Variants in SPATA13 observed in about 807,000 individuals in gnomAD.
SPATA13 encodes the protein spermatogenesis-associated protein 13.
A neutral mutation model predicts 104.0 loss-of-function variants in SPATA13; 50 were observed. That is an observed-to-expected ratio of 0.48 (90% CI 0.38 to 0.61). SPATA13 has a LOEUF of 0.61. SPATA13 is among the 20% of genes least tolerant of loss of function. The pLI is 0.00. For missense variants in SPATA13, 1,524 were observed against 1,690.6 expected, an observed-to-expected ratio of 0.90 and a Z score of 1.73; for synonymous variants, 606 against 667.5, an observed-to-expected ratio of 0.91 and a Z score of 1.42.
chr13:24,188,590 A>C (rs968984333), intron 1 of SPATA13, among the ~76,000 whole-genome samples: 2 of 152,216 alleles, frequency 1.3e-5, no homozygotes, highest in Non-Finnish European at 2.9e-5. Flanking sequence ...GGTTTAAGGA[A>C]AGAAGCCATC....
At chr13:24,117,924 A>G (rs1466248277) in intron 3 of SPATA13, among the ~76,000 whole-genome samples, 3 of 152,224 alleles carry the variant, frequency 2.0e-5, no homozygotes, top group Non-Finnish European at 4.4e-5. Flanking sequence ...ACCACACATC[A>G]TCAAACTCAC....
chr13:24,300,481 T>G lies in SPATA13; in HGVS notation c.3658+6T>G. 1 of 1,613,500 alleles carries G rather than the reference T, an allele frequency of 6.2e-7. No homozygotes were observed. Among genetic ancestry groups the G allele is most frequent in the Non-Finnish European group, 8.5e-7 (1 of 1,179,506 alleles). ...AGGACATGGAAAGTCAAAAGGTAAG[T>G]TATGGAGAAGGCTTTGTCCCCTTAA... On this transcript the variant is annotated splice_donor_region_variant and intron_variant, in intron 12 of 12. Coordinates refer to ENST00000382108, the MANE Select transcript of SPATA13 (RefSeq NM_001166271.3).
intron 3 of SPATA13, among the ~76,000 whole-genome samples, chr13:24,142,718 T>C (rs1390201445): frequency 6.6e-6 from 1 of 152,244 alleles, no homozygotes; most frequent in East Asian, 1.9e-4. Flanking sequence ...CCCTTCTTCT[T>C]CTCCTCCTTT....
chr13:24,171,729 C>A (rs779346115), intron 1 of SPATA13, among the ~76,000 whole-genome samples: 1 of 152,148 alleles, frequency 6.6e-6, no homozygotes, highest in Non-Finnish European at 1.5e-5. Context: ...ATGGCATACC[C>A]AAACCTGGTG....
In SPATA13 at chr13:24,216,650, A is replaced by C. The variant is rs547553320; in HGVS notation, c.-111-6169A>C. Among the ~76,000 whole-genome samples, 3 of 152,298 alleles carry C rather than the reference A, an allele frequency of 2.0e-5. No homozygotes were observed. In the South Asian group the frequency reaches 6.2e-4, roughly 32 times the overall value. On this transcript the variant is annotated intron_variant, in intron 1 of 12. Transcript: ENST00000382108. ...GTAAGGGGGCTTCTTTCTTTTACTA[A>C]GGTATGTATATTGGGGCTAGGAAGA...
At chr13:24,282,610 T>C (rs544368107) in intron 4 of SPATA13, among the ~76,000 whole-genome samples, 8 of 152,284 alleles carry the variant, frequency 5.3e-5, no homozygotes, top group African/African-American at 1.9e-4. Flanking sequence ...CCACTCCCAC[T>C]AACCTGTGTT....
intron 10 of SPATA13, 30 bp from the exon 11 acceptor site, chr13:24,297,333 A>G (rs745731477): frequency 6.4e-7 from 1 of 1,573,644 alleles, no homozygotes; most frequent in Non-Finnish European, 8.6e-7. Flanking sequence ...TAGAATTGGA[A>G]GGTCTTAAGA....
chr13:24,185,655 A>G (rs1869096087), intron 1 of SPATA13, among the ~76,000 whole-genome samples: 1 of 152,184 alleles, frequency 6.6e-6, no homozygotes, highest in African/African-American at 2.4e-5. Flanking sequence ...TTTAAACATC[A>G]TATGAAACAT....
At chr13:24,110,577 GTGGGTAAATAACCATTT>G (rs1345238378) in intron 3 of SPATA13, among the ~76,000 whole-genome samples, 1 of 152,200 alleles carries the variant, frequency 6.6e-6, no homozygotes, top group East Asian at 1.9e-4. Context: ...AGCAGGGTTT[GTGGGTAAATAACCATTT>G]GTTATTCATT....
intron 3 of SPATA13, among the ~76,000 whole-genome samples, chr13:24,033,340 G>T (rs1340616733): frequency 6.6e-6 from 1 of 152,212 alleles, no homozygotes; most frequent in African/African-American, 2.4e-5. Context: ...ATTTGTTTCT[G>T]ATAGGGCCAG....
chr13:24,006,849 G>A (rs1876256127), intron 2 of SPATA13, among the ~76,000 whole-genome samples: 1 of 152,224 alleles, frequency 6.6e-6, no homozygotes, highest in Non-Finnish European at 1.5e-5. Context: ...GGGAAGCCAC[G>A]TCGATGGTGT....
chr13:24,196,288 C>G (rs922672365), intron 1 of SPATA13, among the ~76,000 whole-genome samples: 17 of 152,156 alleles, frequency 1.1e-4, no homozygotes, highest in African/African-American at 3.4e-4. Flanking sequence ...ATAAACCCTT[C>G]ACACATTACC....
At chr13:24,037,163 T>C (rs1370245628) in intron 3 of SPATA13, among the ~76,000 whole-genome samples, 1 of 129,800 alleles carries the variant, frequency 7.7e-6, no homozygotes, top group Admixed American at 9.7e-5. Flanking sequence ...TGAGAACACT[T>C]GGACACAGGA....
chr13:24,002,959 G>A (rs932675823), intron 2 of SPATA13, among the ~76,000 whole-genome samples: 1 of 142,286 alleles, frequency 7.0e-6, no homozygotes, highest in Admixed American at 6.7e-5. Context: ...TTCTGAATGT[G>A]GGGGGTGAAC....
At chr13:24,285,418 A>C (rs1875858830) in intron 5 of SPATA13, among the ~76,000 whole-genome samples, 1 of 152,104 alleles carries the variant, frequency 6.6e-6, no homozygotes, top group Non-Finnish European at 1.5e-5. Flanking sequence ...TTTTTGGAGC[A>C]AATATTTCAG....
At chr13:24,048,053 C>G (rs1878211637) in intron 3 of SPATA13, among the ~76,000 whole-genome samples, 1 of 152,208 alleles carries the variant, frequency 6.6e-6, no homozygotes, top group South Asian at 2.1e-4. Flanking sequence ...TTCCTACCCT[C>G]AAAGGATTGG....
intron 3 of SPATA13, among the ~76,000 whole-genome samples, chr13:24,108,874 A>G (rs574176425): frequency 8.5e-5 from 13 of 152,182 alleles, no homozygotes; most frequent in African/African-American, 2.4e-4. Context: ...ACCTAGTAAC[A>G]CATTTGTATT....
At chr13:24,096,279 G>A (rs1161274200) in intron 3 of SPATA13, among the ~76,000 whole-genome samples, 1 of 152,118 alleles carries the variant, frequency 6.6e-6, no homozygotes, top group Non-Finnish European at 1.5e-5. Context: ...GTGCTGTAAA[G>A]AAAAAAGAGT....
At chr13:24,019,167 T>C (rs7325740) in intron 3 of SPATA13, among the ~76,000 whole-genome samples, 145,551 of 147,662 alleles carry the variant, frequency 0.99, 71,770 homozygotes, top group Middle Eastern at 1. Flanking sequence ...CGGCTCACTG[T>C]AAGCTCCGCC....
Sources: gnomAD v4.1 joint callset for allele counts (sites outside exome capture counted in the v4.1 genomes callset) on GRCh38, gnomAD v4.1.1 for gene constraint, MANE v1.5 for transcripts, NCBI Gene and HGNC (gene_info 2026-07-23, HGNC 2026-07-21) for gene names.